APP: variants seen among roughly 807,000 people sequenced by gnomAD.
APP encodes amyloid beta precursor protein.
A neutral mutation model predicts 101.4 loss-of-function variants in APP; 31 were observed. That is an observed-to-expected ratio of 0.31 (90% confidence interval 0.23 to 0.41). The LOEUF (loss-of-function observed/expected upper bound fraction) is 0.41, where lower values mean the gene tolerates loss of function less well. APP is among the 10% of genes least tolerant of loss of function. The probability of loss-of-function intolerance (pLI) is 1.00; values close to 1 mark genes in which losing one functional copy is unlikely to be tolerated. For synonymous variants in APP, 366 were observed against 364.4 expected, an observed-to-expected ratio of 1.00 and a Z score of -0.05; for missense variants, 839 against 1,003.7, an observed-to-expected ratio of 0.84 and a Z score of 2.22.
chr21:25,951,507 T>C, intron 13 of APP, among the ~76,000 whole-genome samples: 1 of 152,236 alleles, frequency 6.6e-6, no homozygotes, highest in East Asian at 1.9e-4. Flanking sequence ...GCATGCATTT[T>C]TAGGGACTTT....
At chr21:25,963,451 G>A (rs1194999550) in intron 11 of APP, among the ~76,000 whole-genome samples, 3 of 152,120 alleles carry the variant, frequency 2.0e-5, no homozygotes. Context: ...AAAGCCCTGG[G>A]CATAATCCTG....
At chr21:26,049,779 A>G (rs970122406) in intron 5 of APP, among the ~76,000 whole-genome samples, 2 of 152,226 alleles carry the variant, frequency 1.3e-5, no homozygotes, top group African/African-American at 4.8e-5. Flanking sequence ...AGGCAGGGAA[A>G]AAGAGGATAA....
chr21:26,059,112 TA>T (rs528222639), intron 3 of APP, among the ~76,000 whole-genome samples: 22 of 146,686 alleles, frequency 1.5e-4, no homozygotes, highest in Non-Finnish European at 2.3e-4. Flanking sequence ...GACATTAAAA[TA>T]AAAAAAAAAC....
At chr21:25,918,365 C>A (rs1487333266) in intron 13 of APP, among the ~76,000 whole-genome samples, 2 of 152,162 alleles carry the variant, frequency 1.3e-5, no homozygotes, top group African/African-American at 4.8e-5. Context: ...AGGATGAGTT[C>A]GGGAGGTGGG....
In APP at chr21:25,881,638, T is replaced by C. The variant is rs754705572; in HGVS notation, c.*32A>G. 7 of 1,601,528 alleles carry C rather than the reference T, an allele frequency of 4.4e-6. No individual in the cohort carries two copies. Among genetic ancestry groups the C allele is most frequent in the Non-Finnish European group, 6.0e-6 (7 of 1,168,662 alleles). On this transcript the variant is annotated 3_prime_UTR_variant, in exon 18 of 18. Transcript: ENST00000346798. ...ATGGGTAGTGAAGCAATGGTTTTGC[T>C]GTCCAACTTCAGAGGCTGCTGTGGC...
intron 8 of APP, among the ~76,000 whole-genome samples, chr21:25,984,048 A>C (rs2042545041): frequency 6.6e-6 from 1 of 152,174 alleles, no homozygotes. Flanking sequence ...GAGATACCAT[A>C]CCACATGTAA....
intron 3 of APP, among the ~76,000 whole-genome samples, chr21:26,080,354 A>G (rs2061572694): frequency 6.6e-6 from 1 of 152,232 alleles, no homozygotes; most frequent in Non-Finnish European, 1.5e-5. Flanking sequence ...GCTAAGCATG[A>G]ATAACCAAAG....
At chr21:25,923,571 G>A (rs1442967704) in intron 13 of APP, among the ~76,000 whole-genome samples, 1 of 134,222 alleles carries the variant, frequency 7.5e-6, no homozygotes. Context: ...GTGGGCAAAG[G>A]ACATGAACAG....
At chr21:26,084,250 T>TA (rs2061656657) in intron 3 of APP, among the ~76,000 whole-genome samples, 1 of 115,474 alleles carries the variant, frequency 8.7e-6, no homozygotes, top group Non-Finnish European at 2.0e-5. Context: ...TTTTTTTTTT[T>TA]TTTTTTGAGA....
At chr21:25,883,162 G>A (rs1432300553) in intron 17 of APP, among the ~76,000 whole-genome samples, 1 of 152,170 alleles carries the variant, frequency 6.6e-6, no homozygotes, top group African/African-American at 2.4e-5. Context: ...CAGCACTTTG[G>A]GAGCCTGAGG....
chr21:26,081,020 G>C (rs1165601265), intron 3 of APP, among the ~76,000 whole-genome samples: 1 of 152,076 alleles, frequency 6.6e-6, no homozygotes, highest in Non-Finnish European at 1.5e-5. Flanking sequence ...CATGACTACA[G>C]GGTATCTTTT....
chr21:26,066,798 A>C (rs2046472484), intron 3 of APP, among the ~76,000 whole-genome samples: 1 of 152,208 alleles, frequency 6.6e-6, no homozygotes, highest in Non-Finnish European at 1.5e-5. Flanking sequence ...TATAGAAGTT[A>C]CAAAATAAGG....
At chr21:26,002,693 T>A (rs1048793156) in intron 6 of APP, among the ~76,000 whole-genome samples, 3 of 152,164 alleles carry the variant, frequency 2.0e-5, no homozygotes, top group African/African-American at 7.2e-5. Context: ...ACAGAATCCC[T>A]TCACCCCATA....
In APP at chr21:26,036,968, T is replaced by C. The variant is rs564903159; in HGVS notation, c.662+14032A>G. On this transcript the variant is annotated intron_variant, in intron 5 of 17. Transcript: ENST00000346798. ...AAGAGACTAATGGATGAAGAAAATG[T>C]GATGTGTGTGTGTGTGTGTATGTGT... Among the ~76,000 whole-genome samples, 38 of 149,674 alleles carry C rather than the reference T, an allele frequency of 2.5e-4. 1 individual carries two copies. The South Asian group carries it at 7.8e-3, about 31-fold the overall frequency.
At chr21:26,067,162 T>C (rs1038058035) in intron 3 of APP, among the ~76,000 whole-genome samples, 7 of 152,198 alleles carry the variant, frequency 4.6e-5, no homozygotes, top group Non-Finnish European at 7.3e-5. Flanking sequence ...AAGAAACAGG[T>C]AAAATTAATT....
intron 11 of APP, among the ~76,000 whole-genome samples, chr21:25,973,378 A>G (rs916327351): frequency 3.3e-5 from 5 of 152,200 alleles, no homozygotes; most frequent in African/African-American, 1.2e-4. Flanking sequence ...GAGTATAAGG[A>G]TGGAAAAATG....
At chr21:26,115,479 G>C (rs1163399247) in intron 1 of APP, among the ~76,000 whole-genome samples, 1 of 152,138 alleles carries the variant, frequency 6.6e-6, no homozygotes. Flanking sequence ...ATTAAAACAA[G>C]ACAAACAACT....
chr21:25,945,865 A>G (rs1228687077), intron 13 of APP: 1 of 454,996 alleles, frequency 2.2e-6, no homozygotes, highest in Non-Finnish European at 4.4e-6. Context: ...ATTTTTTTGT[A>G]GAAATGTGGT....
intron 1 of APP, among the ~76,000 whole-genome samples, chr21:26,154,152 G>C (rs946587043): frequency 1.3e-5 from 2 of 152,172 alleles, no homozygotes; most frequent in African/African-American, 4.8e-5. Context: ...AACTGGGTAA[G>C]AACTATGGGC....
Sources: allele counts gnomAD v4.1 joint callset (sites outside exome capture counted in the v4.1 genomes callset), GRCh38; gene constraint gnomAD v4.1.1; transcripts MANE v1.5; gene names NCBI Gene and HGNC (gene_info 2026-07-23, HGNC 2026-07-21).